Variants in LYST observed in about 807,000 individuals in gnomAD.
The protein encoded by LYST is lysosomal-trafficking regulator.
LYST carries 192 observed loss-of-function variants against 413.6 expected under a neutral mutation model. The ratio of observed to expected loss-of-function variants is 0.46; its 90% CI spans 0.41 to 0.52. The LOEUF is 0.52. LYST is among the 20% of genes least tolerant of loss of function. The pLI is 0.00. For synonymous variants in LYST, 1,525 were observed against 1,567.3 expected, an observed-to-expected ratio of 0.97 and a Z score of 0.64; for missense variants, 3,815 against 4,499.9, an observed-to-expected ratio of 0.85 and a Z score of 4.35.
At chr1:235,843,855 A>C (rs571957157) in intron 1 of LYST, among the ~76,000 whole-genome samples, 1 of 152,296 alleles carries the variant, frequency 6.6e-6, no homozygotes, top group Non-Finnish European at 1.5e-5. Context: ...CACCCAAAAG[A>C]CTTGTTAGTC....
At chr1:235,816,029 T>C (rs951126407) in intron 3 of LYST, among the ~76,000 whole-genome samples, 6 of 137,548 alleles carry the variant, frequency 4.4e-5, no homozygotes, top group African/African-American at 1.7e-4. Flanking sequence ...ACTCAGGAGG[T>C]TGAGGCAGAA....
chr1:235,697,974 G>A (rs112066543), intron 45 of LYST, among the ~76,000 whole-genome samples: 3,966 of 152,114 alleles, frequency 0.026, 194 homozygotes, highest in African/African-American at 0.091. Context: ...GCCCACGAAC[G>A]GTAATGAAAA....
chr1:235,706,297 T>G (rs1661982848), intron 44 of LYST, among the ~76,000 whole-genome samples: 1 of 152,158 alleles, frequency 6.6e-6, no homozygotes, highest in Non-Finnish European at 1.5e-5. Flanking sequence ...AGATTTTCAC[T>G]TAGGAGTTAC....
In LYST at chr1:235,809,729, A is replaced by G. The variant is rs761334667; in HGVS notation, c.1089T>C (p.Ile363=). Residue 363 remains isoleucine, a synonymous_variant, in exon 5 of 53, where the codon ATT becomes ATC. Transcript: ENST00000389793. The surrounding 1 kb of genome is among the most constrained non-coding windows in gnomAD (Gnocchi z 4.0). Reference sequence around the variant, plus strand: ...CAGGCTGCTTTTCTAGGCATATTCTAATTTTTAAAGCTGCTCTAAGCAATT... The same window carrying G: ...CAGGCTGCTTTTCTAGGCATATTCTGATTTTTAAAGCTGCTCTAAGCAATT... ...LTELLRAALK[I]RICLEKQPDP... The G allele has an allele frequency of 7.7e-5, 125 of 1,613,692 alleles. No homozygotes were observed. Among genetic ancestry groups the G allele is most frequent in the Non-Finnish European group, 1.1e-4 (124 of 1,179,860 alleles).
rs189679893 is a variant in LYST, at chr1:235,738,782, A to T, written c.8358+2640T>A. 4.9e-6 allele frequency: 5 copies of T among 1,019,054 alleles called. No homozygotes were observed. The African/African-American group carries it at 6.3e-5, about 13-fold the overall frequency. 63.1% of individuals were successfully genotyped at this position (1,019,054 alleles called of 1,614,324 possible). A position where few individuals can be genotyped will look rare whatever the true frequency, so the allele number is the denominator to read the frequency against. On this transcript the variant is annotated intron_variant, in intron 31 of 52. Transcript: ENST00000389793. ...GACTCTCTGTGGCAGATTTGGCAGA[A>T]AGTATAATGAAGAATCTTAGGCGGG...
chr1:235,697,695 A>G (rs1011587348), intron 45 of LYST, among the ~76,000 whole-genome samples: 1 of 152,246 alleles, frequency 6.6e-6, no homozygotes, highest in Non-Finnish European at 1.5e-5. Flanking sequence ...TCACTCAGCT[A>G]TGAGCTCCTT....
At chr1:235,849,036 T>C (rs761771231) in intron 1 of LYST, among the ~76,000 whole-genome samples, 2 of 152,068 alleles carry the variant, frequency 1.3e-5, no homozygotes, top group Non-Finnish European at 2.9e-5. Flanking sequence ...ATCACACTAA[T>C]ATCAAAACCA....
intron 46 of LYST, among the ~76,000 whole-genome samples, chr1:235,694,740 G>A (rs532421725): frequency 7.0e-4 from 106 of 152,176 alleles, no homozygotes; most frequent in Non-Finnish European, 1.4e-3. Flanking sequence ...CATATCATGA[G>A]TCTTGAGTCC....
In LYST at chr1:235,755,514, TCGATGAAG is replaced by T; in HGVS notation, c.7185_7192del (p.Cys2395Ter). On this transcript the variant is annotated stop_gained and frameshift_variant, in exon 25 of 53. Transcript: ENST00000389793. LOFTEE classifies it high-confidence loss of function. Reference sequence around the variant, plus strand: ...GCCAATATGTCGACCAAAGAACATTTCGATGAAGCATTCTAACAATTCTTGAGTTCCTC... The same window carrying T: ...GCCAATATGTCGACCAAAGAACATTTCATTCTAACAATTCTTGAGTTCCTC... 1 of 1,614,004 alleles carries T rather than the reference TCGATGAAG, an allele frequency of 6.2e-7. No homozygotes were observed. The highest frequency in any genetic ancestry group is 8.5e-7 in the Non-Finnish European group (1 of 1,179,880).
At chr1:235,786,953 C>T (rs1038202929) in intron 14 of LYST, 18 of 314,022 alleles carry the variant, frequency 5.7e-5, no homozygotes, top group Non-Finnish European at 9.3e-5. Flanking sequence ...ATGTAAATGA[C>T]GAGTTAATGG....
chr1:235,830,027 T>C (rs1675775186), intron 3 of LYST, 199 bp downstream of exon 3: 1 of 563,548 alleles, frequency 1.8e-6, no homozygotes, highest in Non-Finnish European at 3.2e-6. Context: ...AATTCATAAT[T>C]CTAAGATATT....
intron 1 of LYST, among the ~76,000 whole-genome samples, chr1:235,863,562 G>C (rs991134094): frequency 1.3e-5 from 2 of 150,182 alleles, no homozygotes; most frequent in Non-Finnish European, 3.0e-5. Context: ...AGACCAAAAA[G>C]GTACTCTGAA....
At chr1:235,786,905 G>T (rs1234836703) in intron 14 of LYST, among the ~76,000 whole-genome samples, 2 of 111,296 alleles carry the variant, frequency 1.8e-5, no homozygotes, top group Admixed American at 1.1e-4. Context: ...GTCGTGGGGT[G>T]GGGGGAGGGG....
chr1:235,857,784 C>CACACACACACATAT (rs145820873), intron 1 of LYST, among the ~76,000 whole-genome samples: 37 of 122,132 alleles, frequency 3.0e-4, no homozygotes, highest in Non-Finnish European at 4.8e-4. Flanking sequence ...CACACACACA[C>CACACACACACATAT]ATATATATAT....
At position 235,664,693 on chromosome 1, in the gene LYST, G is replaced by T. The variant is rs1658290888; in HGVS notation, c.11039-72C>A. Reference sequence around the variant, plus strand: ...CAGAGCCCACATTTGGCCCCAGAAGGGCAACCCTGAAGGGCAAGCTCATTT... The same window carrying T: ...CAGAGCCCACATTTGGCCCCAGAAGTGCAACCCTGAAGGGCAAGCTCATTT... On this transcript the variant is annotated intron_variant, in intron 50 of 52. Coordinates refer to ENST00000389793, the MANE Select transcript of LYST (RefSeq NM_000081.4). This position sits in a 1 kb window ranked among gnomAD's most constrained non-coding sequence, Gnocchi z 4.5. The T allele has an allele frequency of 1.4e-6, 2 of 1,444,264 alleles. No homozygotes were observed. Among genetic ancestry groups the T allele is most frequent in the African/African-American group, 1.4e-5 (1 of 71,134 alleles). 89.5% of individuals were successfully genotyped at this position (1,444,264 alleles called of 1,614,324 possible).
chr1:235,703,159 T>C (rs1661683078), intron 44 of LYST, among the ~76,000 whole-genome samples, 182 bp from the exon 45 acceptor site: 1 of 152,204 alleles, frequency 6.6e-6, no homozygotes, highest in South Asian at 2.1e-4. Context: ...TCTGAATAGG[T>C]GAACAAAAAC....
chr1:235,791,582 T>A, intron 12 of LYST, 117 bp downstream of exon 12: 1 of 854,528 alleles, frequency 1.2e-6, no homozygotes, highest in Non-Finnish European at 2.0e-6. Flanking sequence ...AAGTAAGGCA[T>A]TTAAGGTGAA....
At chr1:235,828,288 C>T (rs140785672) in intron 3 of LYST, 211 of 304,282 alleles carry the variant, frequency 6.9e-4, no homozygotes, top group African/African-American at 4.5e-3. Flanking sequence ...GATAGGGGAA[C>T]GATAGCTAAA....
At chr1:235,712,370 T>C (rs1662465749) in intron 42 of LYST, 173 bp from the exon 43 acceptor site, 1 of 564,150 alleles carries the variant, frequency 1.8e-6, no homozygotes, top group Non-Finnish European at 3.0e-6. Context: ...TTCTATAAAC[T>C]TGAGATCATA....
Sources: gnomAD v4.1 joint callset for allele counts (sites outside exome capture counted in the v4.1 genomes callset) on GRCh38, gnomAD v4.1.1 for gene constraint, Gnocchi (gnomAD v3.1) non-coding constraint, MANE v1.5 for transcripts, NCBI Gene and HGNC (gene_info 2026-07-23, HGNC 2026-07-21) for gene names.